KCNJ3: variants seen among roughly 807,000 people sequenced by gnomAD.
KCNJ3 encodes the protein G protein-activated inward rectifier potassium channel 1.
Under a neutral mutation model 39.2 loss-of-function variants are expected in KCNJ3, and 4 were observed. That is an observed-to-expected ratio of 0.10 (90% CI 0.05 to 0.23). KCNJ3 has a LOEUF of 0.23. Ranked by LOEUF, KCNJ3 falls within the 10% of genes least tolerant of loss-of-function variation. The pLI is 1.00. For missense variants in KCNJ3, 276 were observed against 634.9 expected (o/e 0.43, Z 6.08); for synonymous variants, 230 against 237.4 (o/e 0.97, Z 0.29).
intron 2 of KCNJ3, among the ~76,000 whole-genome samples, chr2:154,777,325 C>G (rs1686355401): frequency 6.6e-6 from 1 of 152,090 alleles, no homozygotes. Flanking sequence ...GTGTGTGTCT[C>G]AAACTTAAGC....
At chr2:154,785,541 T>A (rs1011192236) in intron 2 of KCNJ3, among the ~76,000 whole-genome samples, 1 of 151,804 alleles carries the variant, frequency 6.6e-6, no homozygotes, top group South Asian at 2.1e-4. Context: ...ATGGAGAGAG[T>A]GTGTTAGTTA....
At chr2:154,719,369 G>A (rs1685230423) in intron 2 of KCNJ3, among the ~76,000 whole-genome samples, 2 of 152,038 alleles carry the variant, frequency 1.3e-5, no homozygotes, top group African/African-American at 4.8e-5. Context: ...TGAAGTCTTC[G>A]GAGGTGAATC....
chr2:154,776,657 CT>C (rs1686340509), intron 2 of KCNJ3, among the ~76,000 whole-genome samples: 1 of 151,920 alleles, frequency 6.6e-6, no homozygotes, highest in Non-Finnish European at 1.5e-5. Context: ...CAGATAAGTA[CT>C]TTGAAAATAT....
chr2:154,854,638 A>C, intron 2 of KCNJ3, 89 bp from the exon 3 acceptor site: 1 of 909,094 alleles, frequency 1.1e-6, no homozygotes, highest in Non-Finnish European at 1.7e-6. Flanking sequence ...AACCTAGATA[A>C]GAAAGTGAAA....
At position 154,698,700 on chromosome 2, in the gene KCNJ3, C is replaced by CCCTT; in HGVS notation, c.-76_-75insCCTT. 69 of 856,926 alleles carry CCCTT rather than the reference C, an allele frequency of 8.1e-5. No homozygotes were observed. Among genetic ancestry groups the CCCTT allele is most frequent in the South Asian group, 2.7e-4 (17 of 63,318 alleles). 53.1% of individuals were successfully genotyped at this position (856,926 alleles called of 1,614,324 possible). On this transcript the variant is annotated 5_prime_UTR_variant, in exon 1 of 3. Coordinates refer to ENST00000295101, the MANE Select transcript of KCNJ3 (RefSeq NM_002239.4). ...CCCTTTCCTCCCCCGCCCCCACCTC[C>CCCTT]TTATTGGTGCTAGTTTGCAGCGCCC...
chr2:154,828,789 G>T (rs553519151), intron 2 of KCNJ3, among the ~76,000 whole-genome samples: 1 of 152,118 alleles, frequency 6.6e-6, no homozygotes, highest in African/African-American at 2.4e-5. Context: ...TCAAAATAAA[G>T]AACTTTTGCT....
chr2:154,805,462 T>C (rs1686894350), intron 2 of KCNJ3, among the ~76,000 whole-genome samples: 1 of 149,522 alleles, frequency 6.7e-6, no homozygotes, highest in Admixed American at 7.5e-5. Context: ...TTTCTCTCCT[T>C]CTGGTTAATT....
intron 2 of KCNJ3, among the ~76,000 whole-genome samples, chr2:154,846,301 G>A (rs559607655): frequency 3.3e-5 from 5 of 152,232 alleles, no homozygotes; most frequent in Admixed American, 6.5e-5. Context: ...ATCTGTTTCT[G>A]AGAAATTAAA....
chr2:154,795,846 G>A (rs957174144), intron 2 of KCNJ3, among the ~76,000 whole-genome samples: 5 of 151,996 alleles, frequency 3.3e-5, no homozygotes, highest in African/African-American at 7.2e-5. Flanking sequence ...TCATCACAGC[G>A]TAAGGAAATA....
intron 2 of KCNJ3, among the ~76,000 whole-genome samples, chr2:154,836,922 G>A (rs62170839): frequency 0.021 from 3,152 of 152,276 alleles, 66 homozygotes; most frequent in Non-Finnish European, 0.032. Flanking sequence ...AGATGTGGCA[G>A]CCTATGTAAA....
At chr2:154,731,721 AAGAG>A (rs1194268708) in intron 2 of KCNJ3, among the ~76,000 whole-genome samples, 1 of 151,598 alleles carries the variant, frequency 6.6e-6, no homozygotes, top group Non-Finnish European at 1.5e-5. Context: ...TGGAAAAAAA[AAGAG>A]AGACACAGTT....
chr2:154,830,574 G>A (rs929678978), intron 2 of KCNJ3, among the ~76,000 whole-genome samples: 1 of 152,112 alleles, frequency 6.6e-6, no homozygotes, highest in African/African-American at 2.4e-5. Flanking sequence ...CCAGTGCTCT[G>A]TCAGCAGATC....
intron 2 of KCNJ3, among the ~76,000 whole-genome samples, chr2:154,771,709 G>A (rs919888574): frequency 3.3e-5 from 5 of 152,130 alleles, no homozygotes; most frequent in African/African-American, 1.2e-4. Context: ...TAAGAATCCA[G>A]TAGAAAAGGG....
At chr2:154,730,835 T>G (rs1471940754) in intron 2 of KCNJ3, among the ~76,000 whole-genome samples, 1 of 152,136 alleles carries the variant, frequency 6.6e-6, no homozygotes. Flanking sequence ...GCTCTTCATC[T>G]AAAATATATT....
intron 2 of KCNJ3, among the ~76,000 whole-genome samples, chr2:154,818,043 A>C (rs1687112235): frequency 6.6e-6 from 1 of 152,160 alleles, no homozygotes. Context: ...GAAAATCATG[A>C]GCCACACTTG....
At chr2:154,799,721 G>A (rs1422752227) in intron 2 of KCNJ3, among the ~76,000 whole-genome samples, 1 of 152,090 alleles carries the variant, frequency 6.6e-6, no homozygotes, top group African/African-American at 2.4e-5. Context: ...TTCCTCCTGT[G>A]TGTGTGCAGC....
At chr2:154,836,073 G>A (rs994314991) in intron 2 of KCNJ3, among the ~76,000 whole-genome samples, 2 of 151,982 alleles carry the variant, frequency 1.3e-5, no homozygotes, top group Non-Finnish European at 2.9e-5. Context: ...AACCTGGCGT[G>A]GTGGCATGCG....
chr2:154,784,279 G>T (rs1054263217), intron 2 of KCNJ3, among the ~76,000 whole-genome samples: 1 of 152,182 alleles, frequency 6.6e-6, no homozygotes, highest in South Asian at 2.1e-4. Context: ...AGATCTTTGC[G>T]TTTTGTAAAA....
chr2:154,739,888 CAT>C lies in KCNJ3; in HGVS notation c.919+30072_919+30073del, dbSNP rs558554431. On this transcript the variant is annotated intron_variant, in intron 2 of 2. Transcript: ENST00000295101. Reference sequence around the variant, plus strand: ...TATTTGGCAAATAACTCAGTCTTTTCATATGTGTTCAGCAACGAATATGGCAT... The same window carrying C: ...TATTTGGCAAATAACTCAGTCTTTTCATGTGTTCAGCAACGAATATGGCAT... Among the ~76,000 whole-genome samples the C allele has an allele frequency of 1.4e-4, 21 of 152,142 alleles. No individual in the cohort carries two copies. The South Asian group carries it at 3.9e-3, about 29-fold the overall frequency.
Sources: gnomAD v4.1 joint callset for allele counts (sites outside exome capture counted in the v4.1 genomes callset) on GRCh38, gnomAD v4.1.1 for gene constraint, MANE v1.5 for transcripts, NCBI Gene and HGNC (gene_info 2026-07-23, HGNC 2026-07-21) for gene names.